The following KLF8 variants were observed in gnomAD, a reference collection of about 807,000 sequenced individuals.
KLF8 encodes the protein Krueppel-like factor 8.
A neutral mutation model predicts 18.2 loss-of-function variants in KLF8; 10 were observed. The ratio of observed to expected loss-of-function variants is 0.55; its 90% CI spans 0.34 to 0.93. The LOEUF is 0.93. KLF8 is among the 40% of genes least tolerant of loss of function. The pLI, the probability that KLF8 is intolerant of heterozygous loss-of-function variation, is 0.02. For missense variants in KLF8, 264 were observed against 277.9 expected, an observed-to-expected ratio of 0.95 and a Z score of 0.36; for synonymous variants, 109 against 97.3, an observed-to-expected ratio of 1.12 and a Z score of -0.71.
chrX:55,949,862 AC>A, the KLF8 span, among the ~76,000 whole-genome samples: 1 of 111,112 alleles, frequency 9.0e-6, no homozygotes, highest in African/African-American at 3.3e-5. Flanking sequence ...CTCTCCCGGG[AC>A]AAATGCTCTG....
chrX:55,993,676 G>T, the KLF8 span, among the ~76,000 whole-genome samples: 2 of 111,609 alleles, frequency 1.8e-5, no homozygotes, highest in African/African-American at 6.5e-5. Context: ...CTGATAGATT[G>T]GTATCAGCTT....
the KLF8 span, among the ~76,000 whole-genome samples, chrX:55,995,872 G>T: frequency 9.0e-6 from 1 of 111,011 alleles, no homozygotes; most frequent in East Asian, 2.8e-4. Flanking sequence ...ATCCTGCATA[G>T]TATCTTGGAG....
chrX:55,941,399 C>T, the KLF8 span, among the ~76,000 whole-genome samples: 1 of 111,705 alleles, frequency 9.0e-6, no homozygotes. Flanking sequence ...AAATGTTAGA[C>T]CTAAAACCAT....
At chrX:56,187,958 G>A in the KLF8 span, among the ~76,000 whole-genome samples, 8 of 111,552 alleles carry the variant, frequency 7.2e-5, no homozygotes, top group South Asian at 7.5e-4. Flanking sequence ...CTTTGAAAAC[G>A]GGCACAAGAC....
the KLF8 span, among the ~76,000 whole-genome samples, chrX:56,191,600 T>A: frequency 9.0e-6 from 1 of 111,494 alleles, no homozygotes; most frequent in South Asian, 3.7e-4. Context: ...AGATCTTTCA[T>A]CTTAACCATC....
intron 2 of KLF8, among the ~76,000 whole-genome samples, chrX:56,260,837 C>G (rs1241943747): frequency 4.5e-5 from 5 of 112,013 alleles, no homozygotes. Flanking sequence ...CAGGTTTCCT[C>G]TTTCTGTTTG....
chrX:56,114,912 C>T, the KLF8 span, among the ~76,000 whole-genome samples: 37 of 112,025 alleles, frequency 3.3e-4, no homozygotes, highest in Admixed American at 2.4e-3. Context: ...TTACTCACTA[C>T]GCTGACTTAT....
At chrX:56,211,001 C>A in the KLF8 span, among the ~76,000 whole-genome samples, 15 of 110,877 alleles carry the variant, frequency 1.4e-4, no homozygotes, top group African/African-American at 4.6e-4. Flanking sequence ...AATTCTCTGT[C>A]TGAAAGGTCG....
the KLF8 span, among the ~76,000 whole-genome samples, chrX:55,954,427 C>T: frequency 5.4e-5 from 6 of 111,339 alleles, no homozygotes; most frequent in Admixed American, 5.7e-4. Flanking sequence ...ATTCAAATGA[C>T]CATATGAGAG....
chrX:56,233,182 C>T lies in KLF8; in HGVS notation c.-153C>T. ...GCCCGGAGAAATAGGGGAGTGGGGG[C>T]CCAAGAACGAGAAGACGAGAACGCG... On this transcript the variant is annotated 5_prime_UTR_variant, in exon 1 of 6. Transcript: ENST00000468660. The T allele has an allele frequency of 3.2e-6, 2 of 621,103 alleles. No homozygotes were observed. Among genetic ancestry groups the T allele is most frequent in the East Asian group, 7.2e-5 (2 of 27,701 alleles). 51.2% of individuals were successfully genotyped at this position (621,103 alleles called of 1,213,427 possible).
the KLF8 span, among the ~76,000 whole-genome samples, chrX:56,084,133 C>T: frequency 2.7e-5 from 3 of 111,704 alleles, no homozygotes; most frequent in African/African-American, 9.8e-5. Context: ...GTAATCCTAG[C>T]ACTTTGGAAG....
the KLF8 span, among the ~76,000 whole-genome samples, chrX:56,052,805 G>A: frequency 1.8e-3 from 196 of 111,993 alleles, no homozygotes; most frequent in Non-Finnish European, 2.7e-3. Flanking sequence ...CCCAGTTGGA[G>A]CTTCCTGGCT....
the KLF8 span, among the ~76,000 whole-genome samples, chrX:56,184,413 C>T: frequency 3.5e-5 from 4 of 112,708 alleles, no homozygotes; most frequent in African/African-American, 9.6e-5. Context: ...AGGAGGCCTG[C>T]CTGCCTCTGT....
the KLF8 span, among the ~76,000 whole-genome samples, chrX:56,207,101 G>T: frequency 1.8e-5 from 2 of 112,421 alleles, no homozygotes; most frequent in South Asian, 7.4e-4. Context: ...TCCCGAGACT[G>T]CACAAAGCAG....
the KLF8 span, among the ~76,000 whole-genome samples, chrX:55,976,118 A>G: frequency 1.9e-3 from 214 of 112,200 alleles, 2 homozygotes; most frequent in African/African-American, 6.6e-3. Flanking sequence ...TCAAAAAAAC[A>G]AAAAAACATG....
chrX:56,148,191 C>T, the KLF8 span, among the ~76,000 whole-genome samples: 2 of 111,588 alleles, frequency 1.8e-5, no homozygotes, highest in Non-Finnish European at 3.8e-5. Context: ...ATTAATTGTT[C>T]CTTGAGCAGG....
chrX:56,116,386 C>T, the KLF8 span, among the ~76,000 whole-genome samples: 1 of 111,616 alleles, frequency 9.0e-6, no homozygotes, highest in Admixed American at 9.5e-5. Context: ...TAACTACCCT[C>T]ATCTCCATTC....
At chrX:56,182,814 T>G in the KLF8 span, among the ~76,000 whole-genome samples, 1 of 112,560 alleles carries the variant, frequency 8.9e-6, no homozygotes, top group Non-Finnish European at 1.9e-5. Flanking sequence ...TGTTGCTGCC[T>G]GTTCCTTCTT....
the KLF8 span, among the ~76,000 whole-genome samples, chrX:56,134,141 T>A: frequency 4.5e-4 from 50 of 111,283 alleles, no homozygotes; most frequent in Non-Finnish European, 5.3e-4. Context: ...CCACCACTAT[T>A]CTTCACAGAA....
Sources: allele counts gnomAD v4.1 joint callset (sites outside exome capture counted in the v4.1 genomes callset), GRCh38; gene constraint gnomAD v4.1.1; transcripts MANE v1.5; gene names NCBI Gene and HGNC (gene_info 2026-07-23, HGNC 2026-07-21).